Variants in GDPD4 observed in about 807,000 individuals in gnomAD.
GDPD4 encodes glycerophosphodiester phosphodiesterase 6.
In GDPD4, 60 loss-of-function variants were observed where a neutral mutation model predicts 67.8. The observed-to-expected ratio is 0.88, with a 90% confidence interval of 0.72 to 1.10. The LOEUF (loss-of-function observed/expected upper bound fraction) is 1.10. Ranked by LOEUF, GDPD4 falls within the 50% of genes least tolerant of loss-of-function variation. The pLI, the probability that GDPD4 is intolerant of heterozygous loss-of-function variation, is 0.00. For synonymous variants in GDPD4, 212 were observed against 210.9 expected (o/e 1.00, Z -0.04); for missense variants, 623 against 613.9 (o/e 1.01, Z -0.16).
chr11:77,229,206 C>G lies in GDPD4; in HGVS notation c.1416G>C (p.Trp472Cys), dbSNP rs1248464121. 4 of 1,608,612 alleles carry G rather than the reference C, an allele frequency of 2.5e-6. No homozygotes were observed. The highest frequency in any genetic ancestry group is 3.4e-6 in the Non-Finnish European group (4 of 1,176,642). The change falls in exon 15 of 17, where the codon TGG becomes TGC. Residue 472 changes from tryptophan to cysteine, a missense_variant. Coordinates refer to ENST00000315938, the MANE Select transcript of GDPD4 (RefSeq NM_182833.3). Reference sequence around the variant, plus strand: ...GCACAGAAATGATATCTGCAAGGAGCCACATGAACACATAGAACTTTGGTG... The same window carrying G: ...GCACAGAAATGATATCTGCAAGGAGGCACATGAACACATAGAACTTTGGTG... ...FMTPKFYVFM[W>C]LLADIISVLF...
chr11:77,256,689 A>G (rs192098355), intron 11 of GDPD4, among the ~76,000 whole-genome samples: 39 of 152,166 alleles, frequency 2.6e-4, no homozygotes, highest in Admixed American at 2.5e-3. Flanking sequence ...TAATGAGTGA[A>G]TTCTCATTCT....
At chr11:77,221,736 T>G (rs192652563) in intron 16 of GDPD4, among the ~76,000 whole-genome samples, 214 of 152,292 alleles carry the variant, frequency 1.4e-3, no homozygotes, top group African/African-American at 4.9e-3. Context: ...GTTCTGTAGC[T>G]GTCTATTAGG....
intron 11 of GDPD4, among the ~76,000 whole-genome samples, chr11:77,252,169 TCTC>T (rs1958917619): frequency 6.6e-6 from 1 of 151,584 alleles, no homozygotes; most frequent in African/African-American, 2.4e-5. Flanking sequence ...GTTCAAGCAT[TCTC>T]CTGTCTCAGC....
intron 12 of GDPD4, 142 bp from the exon 13 acceptor site, chr11:77,243,990 A>C (rs1591541514): frequency 1.6e-6 from 1 of 611,908 alleles, no homozygotes; most frequent in East Asian, 2.7e-5. Flanking sequence ...CCTTGGTGAA[A>C]GAGTCAACAT....
intron 1 of GDPD4, among the ~76,000 whole-genome samples, chr11:77,288,345 T>C (rs1479228790): frequency 6.6e-6 from 1 of 152,014 alleles, no homozygotes; most frequent in Admixed American, 6.6e-5. Context: ...GACCTAAAAA[T>C]TGGCCCACCT....
chr11:77,271,225 T>G lies in GDPD4; in HGVS notation c.307-2A>C. 1 of 1,613,030 alleles carries G rather than the reference T, an allele frequency of 6.2e-7. No individual in the cohort carries two copies. On this transcript the variant is annotated splice_acceptor_variant, in intron 6 of 16. Transcript: ENST00000315938. LOFTEE classifies it high-confidence loss of function. ...CAGGTGCACGTAGGGAGCAAAGATC[T>G]GTGAGAAAGCCAAAAGTCAGGCTGG...
At chr11:77,266,788 G>C (rs1372412296) in intron 10 of GDPD4, among the ~76,000 whole-genome samples, 1 of 152,128 alleles carries the variant, frequency 6.6e-6, no homozygotes, top group Non-Finnish European at 1.5e-5. Context: ...AGAGAATAAG[G>C]TTATAAAGAA....
intron 3 of GDPD4, among the ~76,000 whole-genome samples, chr11:77,284,660 C>T (rs1056607476): frequency 6.6e-6 from 1 of 152,062 alleles, no homozygotes; most frequent in African/African-American, 2.4e-5. Context: ...TCGTAGGAAG[C>T]CTCCTAAGAA....
At chr11:77,293,800 AGATT>A (rs1937860037) in intron 1 of GDPD4, among the ~76,000 whole-genome samples, 1 of 152,184 alleles carries the variant, frequency 6.6e-6, no homozygotes, top group African/African-American at 2.4e-5. Flanking sequence ...TAATAGTGAA[AGATT>A]GATTGCTTTC....
At chr11:77,262,657 T>A (rs1318459350) in intron 10 of GDPD4, among the ~76,000 whole-genome samples, 2 of 151,980 alleles carry the variant, frequency 1.3e-5, no homozygotes, top group Admixed American at 1.3e-4. Flanking sequence ...AGGAACAGAA[T>A]CAGCATGAGA....
At chr11:77,266,614 C>T (rs960440510) in intron 10 of GDPD4, among the ~76,000 whole-genome samples, 9 of 152,120 alleles carry the variant, frequency 5.9e-5, no homozygotes, top group African/African-American at 1.9e-4. Context: ...GAGATGACCG[C>T]TCCATGCATG....
intron 11 of GDPD4, among the ~76,000 whole-genome samples, chr11:77,250,279 C>T (rs892615591): frequency 6.6e-6 from 1 of 152,004 alleles, no homozygotes; most frequent in African/African-American, 2.4e-5. Flanking sequence ...CTATTGTTGC[C>T]ATCTTTATGT....
chr11:77,249,397 C>T (rs1479091115), intron 11 of GDPD4, among the ~76,000 whole-genome samples: 1 of 151,848 alleles, frequency 6.6e-6, no homozygotes, highest in East Asian at 1.9e-4. Context: ...CTCATATGAA[C>T]GTTACTATAT....
At chr11:77,281,012 C>T (rs1959731483) in intron 3 of GDPD4, among the ~76,000 whole-genome samples, 2 of 152,188 alleles carry the variant, frequency 1.3e-5, no homozygotes, top group Admixed American at 1.3e-4. Flanking sequence ...ATTTAGGCTT[C>T]TTCTGACTTA....
chr11:77,259,285 T>C (rs1959066951), intron 10 of GDPD4, among the ~76,000 whole-genome samples: 1 of 152,158 alleles, frequency 6.6e-6, no homozygotes, highest in Non-Finnish European at 1.5e-5. Context: ...CAGCCTACAC[T>C]GAATATTTCT....
chr11:77,260,336 G>C (rs1267665949), intron 10 of GDPD4, among the ~76,000 whole-genome samples: 1 of 141,470 alleles, frequency 7.1e-6, no homozygotes, highest in African/African-American at 2.9e-5. Flanking sequence ...GGAGGGGGGG[G>C]AATAATTTAG....
intron 13 of GDPD4, 92 bp downstream of exon 13, chr11:77,243,602 G>A: frequency 9.0e-7 from 1 of 1,108,840 alleles, no homozygotes; most frequent in Non-Finnish European, 1.4e-6. Context: ...GAAATTCCGA[G>A]ATGGAAAGGG....
intron 1 of GDPD4, among the ~76,000 whole-genome samples, chr11:77,294,875 AGGAT>A (rs1308596261): frequency 1.3e-5 from 2 of 151,974 alleles, no homozygotes; most frequent in Non-Finnish European, 2.9e-5. Flanking sequence ...AGAAGTATGA[AGGAT>A]GGAGAAAGGA....
chr11:77,257,552 T>TACACAC (rs71043563), intron 11 of GDPD4, among the ~76,000 whole-genome samples: 1,524 of 134,316 alleles, frequency 0.011, 15 homozygotes, highest in South Asian at 0.018. Context: ...CTCCCTCTCC[T>TACACAC]ACACACACAC....
Sources: gnomAD v4.1 joint callset for allele counts (sites outside exome capture counted in the v4.1 genomes callset) on GRCh38, gnomAD v4.1.1 for gene constraint, MANE v1.5 for transcripts, NCBI Gene and HGNC (gene_info 2026-07-23, HGNC 2026-07-21) for gene names.